Variants in URB2 observed in about 807,000 individuals in gnomAD.
URB2 encodes the protein URB2 ribosome biogenesis homolog.
In URB2, 86 loss-of-function variants were observed where a neutral mutation model predicts 120.9. The ratio of observed to expected loss-of-function variants is 0.71; its 90% CI spans 0.60 to 0.85. The LOEUF (loss-of-function observed/expected upper bound fraction) is 0.85. Among genes scored for constraint, URB2 ranks in the 40% least tolerant of loss-of-function variants. The probability of loss-of-function intolerance (pLI) is 0.00; values close to 1 mark genes in which losing one functional copy is unlikely to be tolerated. For missense variants in URB2, 1,765 were observed against 1,836.5 expected (o/e 0.96, Z 0.71); for synonymous variants, 755 against 758.4 (o/e 1.00, Z 0.07).
chr1:229,635,614 G>C lies in URB2; in HGVS notation c.1001G>C (p.Cys334Ser). ...CFQVLPRLFG[C>S]LKISHLQEEQ... ...CAGGTTCTCCCCAGGTTGTTTGGCT[G>C]CTTGAAGATTTCACACCTGCAGGAG... is the stretch of plus-strand genomic sequence containing the variant. Residue 334 changes from cysteine (C) to serine (S), a missense_variant, in exon 4 of 10, where the codon TGC (cysteine) becomes TCC (serine). Transcript: ENST00000258243. 1.2e-6 allele frequency: 2 copies of C among 1,614,096 alleles called. No individual in the cohort carries two copies. The highest frequency in any genetic ancestry group is 1.7e-5 in the Admixed American group (1 of 60,020).
At chr1:229,651,199 G>C (rs74875017) in intron 7 of URB2, 36 bp from the exon 8 acceptor site, 6 of 1,563,336 alleles carry the variant, frequency 3.8e-6, no homozygotes, top group Non-Finnish European at 3.5e-6. Context: ...AAATAATCAC[G>C]TATGTACTTT....
At position 229,638,085 on chromosome 1, in the gene URB2, T is replaced by C; in HGVS notation, c.3472T>C (p.Tyr1158His). The change falls in exon 4 of 10, where the codon TAC becomes CAC. Residue 1158 changes from tyrosine (Y) to histidine (H), a missense_variant. By Grantham distance (83) the Tyr-to-His change is moderately conservative. Coordinates refer to ENST00000258243, the MANE Select transcript of URB2 (RefSeq NM_014777.4). ...CCATGTTGCCCTCTACCAGGGTGTT[T>C]ACTCTCAGATACTGTTGGAGTTGCC... The part of the protein sequence containing the change: ...LSHVALYQGV[Y>H]SQILLELPAL... 6.2e-7 allele frequency: 1 copy of C among 1,614,232 alleles called. No homozygotes were observed. The highest frequency in any genetic ancestry group is 1.3e-5 in the African/African-American group (1 of 75,064).
At chr1:229,642,482 G>A (rs6587347) in intron 4 of URB2, among the ~76,000 whole-genome samples, 57,830 of 152,062 alleles carry the variant, frequency 0.38, 11,691 homozygotes, top group South Asian at 0.48. Flanking sequence ...AAGCAGGAAG[G>A]TATTCTGGCA....
intron 3 of URB2, among the ~76,000 whole-genome samples, chr1:229,633,638 G>A (rs750244536): frequency 2.6e-5 from 4 of 152,072 alleles, no homozygotes; most frequent in Non-Finnish European, 5.9e-5. Context: ...TCTCATTAGG[G>A]CACTGATAAC....
At chr1:229,648,186 G>T (rs1191486703) in intron 7 of URB2, among the ~76,000 whole-genome samples, 2 of 152,138 alleles carry the variant, frequency 1.3e-5, no homozygotes, top group African/African-American at 4.8e-5. Context: ...GTTACCTTCA[G>T]CTATGTGTAT....
At position 229,636,931 on chromosome 1, in the gene URB2, G is replaced by A. The variant is rs754118189; in HGVS notation, c.2318G>A (p.Gly773Asp). 1 of 1,613,446 alleles carries A rather than the reference G, an allele frequency of 6.2e-7. No individual in the cohort carries two copies. The highest frequency in any genetic ancestry group is 8.5e-7 in the Non-Finnish European group (1 of 1,179,698). ...ASVLLRTLPM[G>D]KAQEVSIDEE... ...GTCCTGCTGAGAACTTTACCCATGGGCAAAGCCCAGGAAGTCTCAATAGAT... is the reference window on the plus strand; with the variant it reads ...GTCCTGCTGAGAACTTTACCCATGGACAAAGCCCAGGAAGTCTCAATAGAT... The change falls in exon 4 of 10, where the codon GGC becomes GAC. Residue 773 changes from glycine to aspartate, a missense_variant. Transcript: ENST00000258243.
chr1:229,640,545 C>T (rs928881619), intron 4 of URB2, among the ~76,000 whole-genome samples: 7 of 152,026 alleles, frequency 4.6e-5, no homozygotes, highest in Non-Finnish European at 8.8e-5. Context: ...GTCACATTAA[C>T]GTCTGTGTTA....
At chr1:229,648,645 G>C (rs932230784) in intron 7 of URB2, among the ~76,000 whole-genome samples, 1 of 152,178 alleles carries the variant, frequency 6.6e-6, no homozygotes, top group Non-Finnish European at 1.5e-5. Context: ...AGTAAACTGA[G>C]GCTCAGTGCC....
rs115826383 is a variant in URB2, at chr1:229,648,603, G to C, written c.4149+851G>C. Among the ~76,000 whole-genome samples the C allele has an allele frequency of 7.0e-3, 1,061 of 152,326 alleles. 15 individuals carry two copies. Among genetic ancestry groups the C allele is most frequent in the African/African-American group, 0.025 (1,022 of 41,556 alleles). ...TGTGTTCCACCCCTATAGCAAGCCT[G>C]TGAAGGAGGCAGTAATCCCATTTTA... On this transcript the variant is annotated intron_variant, in intron 7 of 9. Coordinates refer to ENST00000258243, the MANE Select transcript of URB2 (RefSeq NM_014777.4).
intron 8 of URB2, among the ~76,000 whole-genome samples, chr1:229,653,007 T>G (rs1360319300): frequency 6.6e-6 from 1 of 152,246 alleles, no homozygotes; most frequent in Non-Finnish European, 1.5e-5. Context: ...TAATATGCTC[T>G]TTCTAATGAG....
Position 229,635,944 on chromosome 1 carries a change from G to A in URB2, c.1331G>A (p.Arg444Gln), listed in dbSNP as rs139709224. ...AWIDAEVTEF[R>Q]TKKAQEALIR... is the part of the protein sequence containing the mutation. ...ATCGATGCCGAGGTAACAGAGTTTCGAACCAAAAAAGCCCAGGAGGCGCTT... is the reference window on the plus strand; with the variant it reads ...ATCGATGCCGAGGTAACAGAGTTTCAAACCAAAAAAGCCCAGGAGGCGCTT... The change falls in exon 4 of 10, where the codon CGA becomes CAA. Residue 444 changes from arginine (R) to glutamine (Q), a missense_variant. By Grantham distance (43) the Arg-to-Gln change is conservative. Coordinates refer to ENST00000258243, the MANE Select transcript of URB2 (RefSeq NM_014777.4). 14 of 1,614,100 alleles carry A rather than the reference G, an allele frequency of 8.7e-6. No homozygotes were observed. Among genetic ancestry groups the A allele is most frequent in the South Asian group, 3.3e-5 (3 of 91,080 alleles).
At chr1:229,627,019 AC>A (rs1558159385) in intron 1 of URB2, among the ~76,000 whole-genome samples, 1 of 152,094 alleles carries the variant, frequency 6.6e-6, no homozygotes, top group African/African-American at 2.4e-5. Flanking sequence ...TATGTTTGCT[AC>A]CCCCGAGATT....
chr1:229,656,691 T>G (rs1488063311), intron 9 of URB2, among the ~76,000 whole-genome samples: 2 of 152,230 alleles, frequency 1.3e-5, no homozygotes, highest in African/African-American at 2.4e-5. Flanking sequence ...TGGTGGGACC[T>G]GTCAGTAGTC....
chr1:229,628,096 A>G (rs1378392172), intron 2 of URB2, among the ~76,000 whole-genome samples: 2 of 143,718 alleles, frequency 1.4e-5, no homozygotes, highest in African/African-American at 2.6e-5. Context: ...AAAAAATTAT[A>G]TATATTATAT....
rs1295730249 is a variant in URB2, at chr1:229,636,880, C to T, written c.2267C>T (p.Pro756Leu). 3 of 1,611,346 alleles carry T rather than the reference C, an allele frequency of 1.9e-6. No homozygotes were observed. Among genetic ancestry groups the T allele is most frequent in the South Asian group, 2.2e-5 (2 of 90,808 alleles). Reference sequence around the variant, plus strand: ...ACAATTTTAATATCCTATCTGTGTCCAGATGATGTGGGATACCTGGCCAGT... The same window carrying T: ...ACAATTTTAATATCCTATCTGTGTCTAGATGATGTGGGATACCTGGCCAGT... ...NLTILISYLC[P>L]DDVGYLASVL... The change falls in exon 4 of 10, where the codon CCA becomes CTA. Residue 756 changes from proline (P) to leucine (L), a missense_variant. Physicochemically the swap from Pro to Leu is moderately conservative, Grantham distance 98. Coordinates refer to ENST00000258243, the MANE Select transcript of URB2 (RefSeq NM_014777.4).
rs1445145419 is a variant in URB2, at chr1:229,637,489, G to A, written c.2876G>A (p.Arg959His). The A allele has an allele frequency of 4.3e-6, 7 of 1,614,042 alleles. No individual in the cohort carries two copies. Among genetic ancestry groups the A allele is most frequent in the East Asian group, 2.2e-5 (1 of 44,898 alleles). The change falls in exon 4 of 10, where the codon CGC becomes CAC. Residue 959 changes from arginine to histidine, a missense_variant. By Grantham distance (29) the Arg-to-His change is conservative. Coordinates refer to ENST00000258243, the MANE Select transcript of URB2 (RefSeq NM_014777.4). ...TACTTGCAAAAGGGGAAAAGTGCTCGCTCTGTGTTCAAGATCATGTATGGT... is the reference window on the plus strand; with the variant it reads ...TACTTGCAAAAGGGGAAAAGTGCTCACTCTGTGTTCAAGATCATGTATGGT... Reference protein sequence around the residue: ...LGYLQKGKSARSVFKIMYGSD... With the variant: ...LGYLQKGKSAHSVFKIMYGSD...
At position 229,651,260 on chromosome 1, in the gene URB2, T is replaced by G. The variant is rs1156812292; in HGVS notation, c.4175T>G (p.Phe1392Cys). The change falls in exon 8 of 10, where the codon TTC becomes TGC. Residue 1392 changes from phenylalanine to cysteine, a missense_variant. Coordinates refer to ENST00000258243, the MANE Select transcript of URB2 (RefSeq NM_014777.4). ...GTAATGCTGAAAGCCATCCCTTCTT[T>G]CTTGAACTCTTTCAATAGATTGGTG... ...PKVMLKAIPS[F>C]LNSFNRLVFS... 1 of 1,611,552 alleles carries G rather than the reference T, an allele frequency of 6.2e-7. No homozygotes were observed. Among genetic ancestry groups the G allele is most frequent in the Middle Eastern group, 1.6e-4 (1 of 6,074 alleles).
chr1:229,630,940 C>T (rs1665647636), intron 2 of URB2, among the ~76,000 whole-genome samples: 1 of 146,910 alleles, frequency 6.8e-6, no homozygotes, highest in African/African-American at 2.5e-5. Flanking sequence ...CGAGATCGCG[C>T]CATTCCACTC....
chr1:229,632,329 A>C lies in URB2; in HGVS notation c.187A>C (p.Lys63Gln). 6.3e-7 allele frequency: 1 copy of C among 1,595,168 alleles called. No individual in the cohort carries two copies. Among genetic ancestry groups the C allele is most frequent in the Non-Finnish European group, 8.5e-7 (1 of 1,174,430 alleles). ...VAFYKKKLEL[K>Q]EDIVERLWIY... ...ATTTTATAAGAAAAAGCTTGAACTG[A>C]AGGAAGATATTGTTGAAAGGCTTTG... Residue 63 changes from lysine (K) to glutamine (Q), a missense_variant, in exon 3 of 10, where the codon AAG becomes CAG. Lys to Gln is a moderately conservative substitution (Grantham distance 53, BLOSUM62 1). Coordinates refer to ENST00000258243, the MANE Select transcript of URB2 (RefSeq NM_014777.4).
Sources: gnomAD v4.1 joint callset for allele counts (sites outside exome capture counted in the v4.1 genomes callset) on GRCh38, gnomAD v4.1.1 for gene constraint, MANE v1.5 for transcripts, NCBI Gene and HGNC (gene_info 2026-07-23, HGNC 2026-07-21) for gene names.